Variants in CFAP20DC observed in about 807,000 individuals in gnomAD.
The protein encoded by CFAP20DC is CFAP20 domain containing, also known as protein CFAP20DC.
Under a neutral mutation model 101.7 loss-of-function variants are expected in CFAP20DC, and 84 were observed. That is an observed-to-expected ratio of 0.83 (90% CI 0.69 to 0.99). The LOEUF (loss-of-function observed/expected upper bound fraction) is 0.99, where lower values mean the gene tolerates loss of function less well. Ranked by LOEUF, CFAP20DC falls within the 50% of genes least tolerant of loss-of-function variation. The probability of loss-of-function intolerance (pLI) is 0.00; values close to 1 mark genes in which losing one functional copy is unlikely to be tolerated. For synonymous variants in CFAP20DC, 359 were observed against 351.2 expected (o/e 1.02, Z -0.25); for missense variants, 1,007 against 970.3 (o/e 1.04, Z -0.50).
chr3:58,852,799 A>G (rs1381452979), intron 12 of CFAP20DC, among the ~76,000 whole-genome samples: 1 of 151,614 alleles, frequency 6.6e-6, no homozygotes, highest in Non-Finnish European at 1.5e-5. Flanking sequence ...GAACAAAGAC[A>G]CAACATACCA....
intron 1 of CFAP20DC, among the ~76,000 whole-genome samples, chr3:59,047,717 A>G (rs1699977494): frequency 6.6e-6 from 1 of 152,218 alleles, no homozygotes; most frequent in African/African-American, 2.4e-5. Flanking sequence ...CTTTTTAACT[A>G]TCTGAACTTG....
chr3:58,945,016 A>G (rs777720639), intron 4 of CFAP20DC, among the ~76,000 whole-genome samples: 1 of 152,234 alleles, frequency 6.6e-6, no homozygotes, highest in Non-Finnish European at 1.5e-5. Flanking sequence ...AATATCAATT[A>G]TTGAACATTC....
chr3:58,839,600 A>G (rs1382895532), intron 13 of CFAP20DC, among the ~76,000 whole-genome samples: 2 of 152,224 alleles, frequency 1.3e-5, no homozygotes, highest in Admixed American at 1.3e-4. Flanking sequence ...AAGACAGCAG[A>G]GAAGATAAAT....
rs545505533 is a variant in CFAP20DC at position 58,770,996 on chromosome 3, CAACCCA to C, written c.2238-17139_2238-17134del. Among the ~76,000 whole-genome samples, 89 of 152,246 alleles carry C rather than the reference CAACCCA, an allele frequency of 5.8e-4. 1 individual carries two copies. Among genetic ancestry groups the C allele is most frequent in the African/African-American group, 2.0e-3 (83 of 41,540 alleles). ...ATTCACAATAGCAAAGACTTGGAAC[CAACCCA>C]AATGTCCAACAATGATAGACTGGAT... On this transcript the variant is annotated intron_variant, in intron 15 of 16. Transcript: ENST00000482387.
intron 16 of CFAP20DC, among the ~76,000 whole-genome samples, chr3:58,744,349 G>C (rs1351553589): frequency 2.0e-5 from 3 of 152,162 alleles, no homozygotes; most frequent in African/African-American, 7.2e-5. Flanking sequence ...ACCAGTCAGA[G>C]TACTTTGTAC....
At chr3:58,761,088 T>A (rs1344243664) in intron 15 of CFAP20DC, among the ~76,000 whole-genome samples, 1 of 152,234 alleles carries the variant, frequency 6.6e-6, no homozygotes, top group Admixed American at 6.5e-5. Flanking sequence ...TTCTATTGAT[T>A]GGAATAGTTT....
chr3:58,918,128 A>G (rs950349864), intron 5 of CFAP20DC, among the ~76,000 whole-genome samples: 7 of 152,184 alleles, frequency 4.6e-5, no homozygotes, highest in Non-Finnish European at 1.0e-4. Context: ...CATTACCGTC[A>G]GTGAAACATA....
At chr3:58,906,500 T>C (rs958033070) in intron 6 of CFAP20DC, among the ~76,000 whole-genome samples, 1 of 152,228 alleles carries the variant, frequency 6.6e-6, no homozygotes, top group Non-Finnish European at 1.5e-5. Context: ...ACTGAACTTG[T>C]TCCTTGAGCA....
chr3:58,933,262 A>G (rs1246174907), intron 5 of CFAP20DC, among the ~76,000 whole-genome samples: 3 of 151,926 alleles, frequency 2.0e-5, no homozygotes, highest in African/African-American at 4.8e-5. Flanking sequence ...GAGCACCCAG[A>G]TTCATAAAGC....
At chr3:58,759,378 TG>T (rs1559550308) in intron 15 of CFAP20DC, among the ~76,000 whole-genome samples, 2 of 152,112 alleles carry the variant, frequency 1.3e-5, no homozygotes, top group African/African-American at 4.8e-5. Flanking sequence ...CACTTGTTGA[TG>T]GGGTTGTTTT....
intron 4 of CFAP20DC, among the ~76,000 whole-genome samples, chr3:58,962,890 C>G (rs555834841): frequency 6.6e-6 from 1 of 152,170 alleles, no homozygotes; most frequent in Middle Eastern, 3.4e-3. Context: ...GTATGGCTGA[C>G]TCCTTCCCTG....
At chr3:58,806,637 C>G (rs112432507) in intron 14 of CFAP20DC, among the ~76,000 whole-genome samples, 181 bp from the exon 15 acceptor site, 17 of 152,148 alleles carry the variant, frequency 1.1e-4, no homozygotes, top group African/African-American at 3.9e-4. Flanking sequence ...CCAGCGTGAG[C>G]GATGCAGAAG....
rs574127138 is a variant in CFAP20DC at position 58,835,177 on chromosome 3, T to C, written c.1972-3288A>G. Among the ~76,000 whole-genome samples, 90 of 152,310 alleles carry C rather than the reference T, an allele frequency of 5.9e-4. 1 individual carries two copies. The South Asian group carries it at 7.2e-3, about 12-fold the overall frequency. On this transcript the variant is annotated intron_variant, in intron 13 of 16. Transcript: ENST00000482387. Reference sequence around the variant, plus strand: ...AAAACAAGACATACTTCTGTCGTCATGGAGTTCACAGTCTACAAAGGGAGA... The same window carrying C: ...AAAACAAGACATACTTCTGTCGTCACGGAGTTCACAGTCTACAAAGGGAGA...
chr3:58,822,715 A>G (rs1199247181), intron 14 of CFAP20DC, among the ~76,000 whole-genome samples: 5 of 152,172 alleles, frequency 3.3e-5, no homozygotes, highest in Non-Finnish European at 7.4e-5. Flanking sequence ...GAACACATAG[A>G]AAGGTGAACA....
intron 4 of CFAP20DC, among the ~76,000 whole-genome samples, chr3:58,978,184 G>A (rs189683299): frequency 1.8e-3 from 268 of 152,174 alleles, no homozygotes; most frequent in Middle Eastern, 3.4e-3. Context: ...TTCCTTCCTA[G>A]CCTTCTTCCA....
chr3:58,741,559 C>T (rs944369990), downstream of CFAP20DC, among the ~76,000 whole-genome samples: 3 of 150,626 alleles, frequency 2.0e-5, no homozygotes, highest in Non-Finnish European at 4.4e-5. Flanking sequence ...TACAGTGGGG[C>T]GATCTTGGCT....
chr3:58,878,198 G>A (rs1295287644), intron 7 of CFAP20DC, among the ~76,000 whole-genome samples: 2 of 152,200 alleles, frequency 1.3e-5, no homozygotes, highest in African/African-American at 4.8e-5. Context: ...AGGGCCCTAG[G>A]CAATTAAAAT....
intron 14 of CFAP20DC, among the ~76,000 whole-genome samples, chr3:58,809,621 C>G (rs576967206): frequency 6.6e-6 from 1 of 151,752 alleles, no homozygotes; most frequent in Non-Finnish European, 1.5e-5. Flanking sequence ...AAATTGACAC[C>G]CTAACATCAC....
chr3:58,744,764 T>C (rs113649849), intron 16 of CFAP20DC, among the ~76,000 whole-genome samples: 2,278 of 152,162 alleles, frequency 0.015, 43 homozygotes, highest in African/African-American at 0.051. Context: ...GGAGCCATTT[T>C]TTTGGGGAGG....
Sources: allele counts gnomAD v4.1 joint callset (sites outside exome capture counted in the v4.1 genomes callset), GRCh38; gene constraint gnomAD v4.1.1; transcripts MANE v1.5; gene names NCBI Gene and HGNC (gene_info 2026-07-23, HGNC 2026-07-21).